The following HERC1 variants were observed in gnomAD, a reference collection of about 807,000 sequenced individuals.
HERC1 encodes the protein HECT and RLD domain containing E3 ubiquitin protein ligase family member 1.
Under a neutral mutation model 554.3 loss-of-function variants are expected in HERC1, and 160 were observed. The ratio of observed to expected loss-of-function variants is 0.29; its 90% confidence interval spans 0.25 to 0.33. The LOEUF (loss-of-function observed/expected upper bound fraction) is 0.33, where lower values mean the gene tolerates loss of function less well. HERC1 is among the 10% of genes least tolerant of loss of function. HERC1 has a pLI of 1.00. For synonymous variants in HERC1, 2,175 were observed against 2,131.7 expected, an observed-to-expected ratio of 1.02 and a Z score of -0.56; for missense variants, 4,919 against 5,918.5, an observed-to-expected ratio of 0.83 and a Z score of 5.54.
intron 33 of HERC1, among the ~76,000 whole-genome samples, chr15:63,687,018 CT>C (rs1250347771): frequency 2.6e-5 from 4 of 152,098 alleles, no homozygotes; most frequent in African/African-American, 9.7e-5. Context: ...GAAGATGAAA[CT>C]GGCAGAAAAC....
chr15:63,710,414 G>T (rs757911960), intron 24 of HERC1, among the ~76,000 whole-genome samples: 9 of 152,132 alleles, frequency 5.9e-5, no homozygotes, highest in Non-Finnish European at 1.0e-4. Flanking sequence ...AAAACCAAAT[G>T]CATGTGGAAA....
Position 63,612,651 on chromosome 15 carries a change from G to T in HERC1, c.14095-95C>A. 7.5e-6 allele frequency: 9 copies of T among 1,197,028 alleles called. No individual in the cohort carries two copies. The highest frequency in any genetic ancestry group is 1.1e-5 in the Non-Finnish European group (9 of 854,974). The allele number at this position is 1,197,028 out of a possible 1,614,324, so 74.2% of individuals were successfully genotyped here. A position where few individuals can be genotyped will look rare whatever the true frequency, so the allele number is the denominator to read the frequency against. On this transcript the variant is annotated intron_variant, in intron 76 of 77. Coordinates refer to ENST00000443617, the MANE Select transcript of HERC1 (RefSeq NM_003922.4). This position sits in a 1 kb window ranked among gnomAD's most constrained non-coding sequence, Gnocchi z 5.0. ...GCTAGGCGCCTCCTGATGCCTGCTC[G>T]TCCGCTCCCCAGACCCTCTACTTGT... is the stretch of plus-strand genomic sequence containing the variant.
chr15:63,659,746 C>G lies in HERC1; in HGVS notation c.9414G>C (p.Leu3138=). The change falls in exon 47 of 78, where the codon CTG becomes CTC. Residue 3138 remains leucine, a synonymous_variant. Coordinates refer to ENST00000443617, the MANE Select transcript of HERC1 (RefSeq NM_003922.4). ...AGGATTTCAGTTTACCTATTTGCATCAGAGTCTCTTCCATACTGTTGGTGG... is the reference window on the plus strand; with the variant it reads ...AGGATTTCAGTTTACCTATTTGCATGAGAGTCTCTTCCATACTGTTGGTGG... The part of the protein sequence containing the change: ...VTATNSMEET[L]MQIGCHGSVE... The G allele has an allele frequency of 6.2e-7, 1 of 1,612,336 alleles. No individual in the cohort carries two copies.
In HERC1 at chr15:63,712,648, CTTAAAG is replaced by C. The variant is rs1346584896; in HGVS notation, c.4584+121_4584+126del. 8 of 696,182 alleles carry C rather than the reference CTTAAAG, an allele frequency of 1.1e-5. No homozygotes were observed. In the Admixed American group the frequency reaches 2.5e-4, roughly 22 times the overall value. The allele number at this position is 696,182 out of a possible 1,614,324, so 43.1% of individuals were successfully genotyped here. ...ACATATATGCAATATAGTTATTTCT[CTTAAAG>C]TTATTTTTGAAAAAATTTTTATATG... On this transcript the variant is annotated intron_variant, in intron 24 of 77. Coordinates refer to ENST00000443617, the MANE Select transcript of HERC1 (RefSeq NM_003922.4).
At chr15:63,651,988 A>G (rs1386270574) in intron 52 of HERC1, among the ~76,000 whole-genome samples, 1 of 152,194 alleles carries the variant, frequency 6.6e-6, no homozygotes, top group East Asian at 1.9e-4. Flanking sequence ...GTGAGCTGAG[A>G]TTGCACCACT....
At chr15:63,818,838 TATGCTAATCC>T (rs1377846922) in intron 1 of HERC1, among the ~76,000 whole-genome samples, 3 of 152,212 alleles carry the variant, frequency 2.0e-5, no homozygotes, top group Non-Finnish European at 2.9e-5. Flanking sequence ...GCCCCACCTC[TATGCTAATCC>T]ATGATACAGT....
Position 63,612,411 on chromosome 15 carries a change from A to C in HERC1, c.14240T>G (p.Val4747Gly). 6.2e-7 allele frequency: 1 copy of C among 1,613,842 alleles called. No homozygotes were observed. Among genetic ancestry groups the C allele is most frequent in the Non-Finnish European group, 8.5e-7 (1 of 1,179,856 alleles). ...CTGCACCAGCTGATGCTGCTCATCC[A>C]CCTCACGGTACCGCACCACTTTCTT... The part of the protein sequence containing the change: ...VLKKVVRYRE[V>G]DEQHQLVQWF... Residue 4747 changes from valine to glycine, a missense_variant, in exon 77 of 78, where the codon GTG becomes GGG. Transcript: ENST00000443617. The surrounding 1 kb of genome is among the most constrained non-coding windows in gnomAD (Gnocchi z 5.0).
Position 63,645,590 on chromosome 15 carries a change from C to G in HERC1, c.10971G>C (p.Ser3657=). The change falls in exon 56 of 78, where the codon TCG becomes TCC. Residue 3657 remains serine, a synonymous_variant. Coordinates refer to ENST00000443617, the MANE Select transcript of HERC1 (RefSeq NM_003922.4). ...EDSVKLWGSI[S]GCWCCLHSLC... is the part of the protein sequence containing the mutation. ...GTGAATGTAGACAGCACCAGCATCCCGAAATAGAGCCCCAGAGTTTCACAC... is the reference window on the plus strand; with the variant it reads ...GTGAATGTAGACAGCACCAGCATCCGGAAATAGAGCCCCAGAGTTTCACAC... 1 of 1,612,914 alleles carries G rather than the reference C, an allele frequency of 6.2e-7. No individual in the cohort carries two copies. Among genetic ancestry groups the G allele is most frequent in the Non-Finnish European group, 8.5e-7 (1 of 1,179,430 alleles).
intron 1 of HERC1, among the ~76,000 whole-genome samples, chr15:63,832,747 C>G (rs2078199794): frequency 6.6e-6 from 1 of 152,074 alleles, no homozygotes; most frequent in African/African-American, 2.4e-5. Context: ...CAGTTTTAAT[C>G]AAGCAGGCCA....
chr15:63,682,260 T>C (rs560347756), intron 34 of HERC1, among the ~76,000 whole-genome samples: 1 of 152,160 alleles, frequency 6.6e-6, no homozygotes, highest in East Asian at 1.9e-4. Context: ...AGAGAGTTGG[T>C]TTGCTACCCC....
intron 1 of HERC1, among the ~76,000 whole-genome samples, chr15:63,811,592 G>A (rs188280884): frequency 1.4e-4 from 22 of 152,004 alleles, no homozygotes; most frequent in Non-Finnish European, 7.4e-5. Context: ...GGCAGATCAC[G>A]AGGTCGGGAG....
chr15:63,817,656 A>C (rs1183189839), intron 1 of HERC1, among the ~76,000 whole-genome samples: 1 of 152,210 alleles, frequency 6.6e-6, no homozygotes, highest in East Asian at 1.9e-4. Flanking sequence ...TGGAGGTTGC[A>C]GTCAGCCAAG....
chr15:63,785,381 G>A (rs988530941), intron 1 of HERC1, among the ~76,000 whole-genome samples: 1 of 152,136 alleles, frequency 6.6e-6, no homozygotes, highest in African/African-American at 2.4e-5. Context: ...GTGCACCACT[G>A]CACTCCAGCC....
chr15:63,695,142 C>T (rs1441152594), intron 27 of HERC1, among the ~76,000 whole-genome samples: 1 of 151,766 alleles, frequency 6.6e-6, no homozygotes, highest in Non-Finnish European at 1.5e-5. Flanking sequence ...CTCAAGTGAG[C>T]CTCCCATCTC....
intron 12 of HERC1, among the ~76,000 whole-genome samples, chr15:63,741,961 T>C (rs2074828974): frequency 6.6e-6 from 1 of 152,224 alleles, no homozygotes; most frequent in Admixed American, 6.5e-5. Context: ...CTGTTTTGGC[T>C]ACTCTGGATC....
intron 65 of HERC1, among the ~76,000 whole-genome samples, chr15:63,635,314 G>C (rs2068735623): frequency 6.6e-6 from 1 of 152,200 alleles, no homozygotes; most frequent in South Asian, 2.1e-4. Flanking sequence ...CTCCCAAAGT[G>C]TTAGGATTAC....
chr15:63,795,165 A>G (rs2076776705), intron 1 of HERC1, among the ~76,000 whole-genome samples: 1 of 151,984 alleles, frequency 6.6e-6, no homozygotes, highest in Non-Finnish European at 1.5e-5. Context: ...ATGTATCAAT[A>G]CAGTTTTAAA....
Position 63,746,904 on chromosome 15 carries a change from T to A in HERC1, c.2520+14A>T. 1 of 1,550,348 alleles carries A rather than the reference T, an allele frequency of 6.5e-7. No individual in the cohort carries two copies. The highest frequency in any genetic ancestry group is 8.7e-7 in the Non-Finnish European group (1 of 1,145,742). On this transcript the variant is annotated intron_variant, in intron 12 of 77. Transcript: ENST00000443617. ...GTGGTTTGAGATACAGATTCACAAG[T>A]CCTATTCTCTTACCTCTTGGATTTC... is the stretch of plus-strand genomic sequence containing the variant.
At chr15:63,822,158 C>T (rs1211544452) in intron 1 of HERC1, among the ~76,000 whole-genome samples, 5 of 152,030 alleles carry the variant, frequency 3.3e-5, no homozygotes, top group Admixed American at 6.6e-5. Flanking sequence ...CTGCCTGGCC[C>T]GGTCAGGGAA....
Sources: allele counts gnomAD v4.1 joint callset (sites outside exome capture counted in the v4.1 genomes callset), GRCh38; gene constraint gnomAD v4.1.1; non-coding constraint Gnocchi (gnomAD v3.1); transcripts MANE v1.5; gene names NCBI Gene and HGNC (gene_info 2026-07-23, HGNC 2026-07-21).